CDH5: variants seen among roughly 807,000 people sequenced by gnomAD.
CDH5 encodes cadherin 5.
In CDH5, 28 loss-of-function variants were observed where a neutral mutation model predicts 62.0. That is an observed-to-expected ratio of 0.45 (90% CI 0.33 to 0.62). The LOEUF is 0.62. CDH5 is among the 20% of genes least tolerant of loss of function. CDH5 has a pLI of 0.02. For missense variants in CDH5, 940 were observed against 1,065.1 expected, an observed-to-expected ratio of 0.88 and a Z score of 1.63; for synonymous variants, 464 against 445.8, an observed-to-expected ratio of 1.04 and a Z score of -0.52.
intron 1 of CDH5, among the ~76,000 whole-genome samples, chr16:66,372,990 T>C (rs948303406): frequency 9.9e-5 from 15 of 152,188 alleles, no homozygotes; most frequent in Non-Finnish European, 2.2e-4. Context: ...TGCAGGTACC[T>C]GGCCTCGGCG....
chr16:66,387,139 C>A, intron 3 of CDH5, 42 bp downstream of exon 3: 1 of 1,570,936 alleles, frequency 6.4e-7, no homozygotes. Flanking sequence ...TCCCTCATCC[C>A]CAGCCTGGGG....
intron 10 of CDH5, among the ~76,000 whole-genome samples, chr16:66,398,826 A>G (rs966568881): frequency 6.6e-6 from 1 of 152,204 alleles, no homozygotes; most frequent in Non-Finnish European, 1.5e-5. Flanking sequence ...AGGCCAACAA[A>G]TTGAGGGCAG....
chr16:66,403,223 G>T lies in CDH5; in HGVS notation c.*54G>T. ...CCCAAACCCCCTGCAGCCCAGGCCAGTCAGACGCCAGGCACCACAGCCTCC... is the reference window on the plus strand; with the variant it reads ...CCCAAACCCCCTGCAGCCCAGGCCATTCAGACGCCAGGCACCACAGCCTCC... On this transcript the variant is annotated 3_prime_UTR_variant, in exon 12 of 12. Transcript: ENST00000341529. The surrounding 1 kb of genome is among the most constrained non-coding windows in gnomAD (Gnocchi z 4.3). 6.6e-7 allele frequency: 1 copy of T among 1,514,802 alleles called. No individual in the cohort carries two copies. Among genetic ancestry groups the T allele is most frequent in the Non-Finnish European group, 8.9e-7 (1 of 1,125,462 alleles). 93.8% of individuals were successfully genotyped at this position (1,514,802 alleles called of 1,614,324 possible).
intron 10 of CDH5, among the ~76,000 whole-genome samples, chr16:66,398,903 G>A (rs929452347): frequency 6.6e-6 from 1 of 152,182 alleles, no homozygotes; most frequent in African/African-American, 2.4e-5. Flanking sequence ...TTGTACAATT[G>A]GTCTATGCAA....
intron 1 of CDH5, chr16:66,376,494 C>A (rs76144732): frequency 6.6e-6 from 1 of 152,168 alleles, no homozygotes; most frequent in African/African-American, 2.4e-5. Flanking sequence ...ACAGAGCGAA[C>A]CCTGGGAGGC....
chr16:66,392,351 C>A lies in CDH5; in HGVS notation c.1185C>A (p.Ala395=). 6.2e-7 allele frequency: 1 copy of A among 1,614,144 alleles called. No individual in the cohort carries two copies. The part of the protein sequence containing the change: ...QKKPLIGTVL[A]MDPDAARHSI... ...AGCCTCTGATTGGCACAGTGCTGGC[C>A]ATGGACCCTGATGCGGCTAGGCATA... Residue 395 remains alanine (A), a synonymous_variant, in exon 7 of 12, where the codon GCC becomes GCA. Coordinates refer to ENST00000341529, the MANE Select transcript of CDH5 (RefSeq NM_001795.5).
chr16:66,396,880 G>A (rs1327840473), intron 8 of CDH5, among the ~76,000 whole-genome samples: 3 of 152,164 alleles, frequency 2.0e-5, no homozygotes, highest in East Asian at 1.9e-4. Context: ...GGCCCACCCA[G>A]ACTCACTTCT....
intron 2 of CDH5, among the ~76,000 whole-genome samples, chr16:66,383,239 C>T (rs1322097163): frequency 6.6e-6 from 1 of 152,134 alleles, no homozygotes; most frequent in African/African-American, 2.4e-5. Flanking sequence ...AACTAAGGAA[C>T]TCTGCATAAA....
intron 1 of CDH5, among the ~76,000 whole-genome samples, chr16:66,368,797 A>G (rs1238407058): frequency 6.6e-6 from 1 of 152,204 alleles, no homozygotes; most frequent in Non-Finnish European, 1.5e-5. Context: ...CACACTCCAC[A>G]GTGAAGCTCA....
chr16:66,403,094 T>A lies in CDH5; in HGVS notation c.2280T>A (p.Leu760=). The A allele has an allele frequency of 3.1e-6, 5 of 1,613,736 alleles. No individual in the cohort carries two copies. The highest frequency in any genetic ancestry group is 4.2e-6 in the Non-Finnish European group (5 of 1,179,932). Residue 760 remains leucine, a synonymous_variant, in exon 12 of 12, where the codon CTT becomes CTA. Transcript: ENST00000341529. The surrounding 1 kb of genome is among the most constrained non-coding windows in gnomAD (Gnocchi z 4.3). ...SSDSDVDYDF[L]NDWGPRFKML... ...ACTCTGACGTGGATTACGACTTCCT[T>A]AACGACTGGGGACCCAGGTTTAAGA... is the stretch of plus-strand genomic sequence containing the variant.
rs183225007 is a variant in CDH5, at chr16:66,400,953, G to A, written c.1774G>A (p.Ala592Thr). The change falls in exon 11 of 12, where the codon GCC becomes ACC. Residue 592 changes from alanine to threonine, a missense_variant. By Grantham distance (58) the Ala-to-Thr change is moderately conservative. Coordinates refer to ENST00000341529, the MANE Select transcript of CDH5 (RefSeq NM_001795.5). Reference protein sequence around the residue: ...GEFTFCEDMAAQVGVSIQAVV... With the variant: ...GEFTFCEDMATQVGVSIQAVV... ...GTTCACCTTCTGCGAGGATATGGCC[G>A]CCCAGGTGGGCGTGAGCATCCAGGC... 1.3e-5 allele frequency: 21 copies of A among 1,613,990 alleles called. No individual in the cohort carries two copies. The highest frequency in any genetic ancestry group is 1.6e-4 in the Middle Eastern group (1 of 6,080).
chr16:66,389,552 G>T (rs775037310), intron 5 of CDH5, 30 bp downstream of exon 5: 14 of 1,519,850 alleles, frequency 9.2e-6, no homozygotes, highest in African/African-American at 5.6e-5. Context: ...CCCTGGGAAG[G>T]GGGGCTGGGA....
chr16:66,392,010 C>A, intron 6 of CDH5, 126 bp from the exon 7 acceptor site: 1 of 1,148,480 alleles, frequency 8.7e-7, no homozygotes, highest in Non-Finnish European at 1.3e-6. Flanking sequence ...CTTGTCGAGG[C>A]CATGGGCCCC....
chr16:66,399,667 C>T (rs1201561219), intron 10 of CDH5, among the ~76,000 whole-genome samples: 3 of 152,148 alleles, frequency 2.0e-5, no homozygotes, highest in Non-Finnish European at 4.4e-5. Flanking sequence ...CAATGTCCAC[C>T]TCAGTCCCAT....
chr16:66,390,046 T>G (rs1302638433), intron 5 of CDH5, among the ~76,000 whole-genome samples: 7 of 152,212 alleles, frequency 4.6e-5, no homozygotes, highest in African/African-American at 1.4e-4. Flanking sequence ...GCTGATACTG[T>G]CATTCAGTTG....
chr16:66,393,948 T>A (rs1026474019), intron 7 of CDH5, among the ~76,000 whole-genome samples: 28 of 152,212 alleles, frequency 1.8e-4, no homozygotes, highest in Admixed American at 1.6e-3. Context: ...CTTTTCTAAA[T>A]AGCCTGTAAT....
intron 2 of CDH5, among the ~76,000 whole-genome samples, chr16:66,383,614 C>A (rs1960933203): frequency 6.6e-6 from 1 of 152,106 alleles, no homozygotes; most frequent in African/African-American, 2.4e-5. Flanking sequence ...GCAACTCACA[C>A]AGGGCCCCAA....
Position 66,390,433 on chromosome 16 carries a change from C to T in CDH5, c.812C>T (p.Thr271Ile). 1 of 1,613,992 alleles carries T rather than the reference C, an allele frequency of 6.2e-7. No individual in the cohort carries two copies. Among genetic ancestry groups the T allele is most frequent in the Non-Finnish European group, 8.5e-7 (1 of 1,179,932 alleles). Residue 271 changes from threonine to isoleucine, a missense_variant, in exon 6 of 12, where the codon ACC becomes ATC. Physicochemically the swap from Thr to Ile is moderately conservative, Grantham distance 89. Transcript: ENST00000341529. ...TACACATTTGTCGTGCCTGAAGACA[C>T]CCGTGTGGGCACCTCTGTGGGCTCT... ...TKYTFVVPED[T>I]RVGTSVGSLF...
At chr16:66,379,627 G>A in intron 2 of CDH5, 80 bp downstream of exon 2, 2 of 1,219,536 alleles carry the variant, frequency 1.6e-6, no homozygotes, top group Non-Finnish European at 2.4e-6. Context: ...TGGCGATGGT[G>A]GCAAAGGTGG....
Sources: gnomAD v4.1 joint callset for allele counts (sites outside exome capture counted in the v4.1 genomes callset) on GRCh38, gnomAD v4.1.1 for gene constraint, Gnocchi (gnomAD v3.1) non-coding constraint, MANE v1.5 for transcripts, NCBI Gene and HGNC (gene_info 2026-07-23, HGNC 2026-07-21) for gene names.